The following LIMCH1 variants were observed in gnomAD, a reference collection of about 807,000 sequenced individuals.
LIMCH1 encodes LIM and calponin homology domains-containing protein 1.
In LIMCH1, 113 loss-of-function variants were observed where a neutral mutation model predicts 176.5. The observed-to-expected ratio is 0.64, with a 90% CI of 0.55 to 0.75. The LOEUF (loss-of-function observed/expected upper bound fraction) is 0.75. Among genes scored for constraint, LIMCH1 ranks in the 30% least tolerant of loss-of-function variants. LIMCH1 has a pLI of 0.00. For missense variants in LIMCH1, 1,674 were observed against 1,814.9 expected, an observed-to-expected ratio of 0.92 and a Z score of 1.41; for synonymous variants, 619 against 645.9, an observed-to-expected ratio of 0.96 and a Z score of 0.63.
At chr4:41,368,684 T>C (rs906498480) in intron 1 of LIMCH1, among the ~76,000 whole-genome samples, 2 of 152,142 alleles carry the variant, frequency 1.3e-5, no homozygotes, top group Admixed American at 6.5e-5. Flanking sequence ...CTCTTAAATT[T>C]CTCTAGGTCT....
chr4:41,408,642 A>G (rs1345281870), intron 1 of LIMCH1, among the ~76,000 whole-genome samples: 1 of 152,234 alleles, frequency 6.6e-6, no homozygotes, highest in Non-Finnish European at 1.5e-5. Flanking sequence ...GGGAGGTGAC[A>G]AGAAATAGGA....
chr4:41,654,159 T>A (rs550754622), intron 18 of LIMCH1, among the ~76,000 whole-genome samples: 1 of 152,340 alleles, frequency 6.6e-6, no homozygotes, highest in South Asian at 2.1e-4. Context: ...TGGTTCACCT[T>A]ACCATTTTTC....
intron 1 of LIMCH1, among the ~76,000 whole-genome samples, chr4:41,463,993 C>T (rs139333040): frequency 5.9e-5 from 9 of 152,204 alleles, no homozygotes; most frequent in Non-Finnish European, 7.4e-5. Context: ...GCTGGGATTA[C>T]GGCCATCCCC....
chr4:41,386,669 T>C (rs1032964206), intron 1 of LIMCH1, among the ~76,000 whole-genome samples: 2 of 152,226 alleles, frequency 1.3e-5, no homozygotes, highest in Non-Finnish European at 2.9e-5. Flanking sequence ...AGGGGATATA[T>C]TGAAACCCAA....
At chr4:41,567,361 G>T (rs182980009) in intron 1 of LIMCH1, among the ~76,000 whole-genome samples, 1 of 152,292 alleles carries the variant, frequency 6.6e-6, no homozygotes, top group Admixed American at 6.5e-5. Flanking sequence ...GAGATATTCA[G>T]TAAGTGTTTT....
At chr4:41,444,218 A>G (rs11737668) in intron 1 of LIMCH1, among the ~76,000 whole-genome samples, 67,723 of 151,472 alleles carry the variant, frequency 0.45, 19,353 homozygotes, top group African/African-American at 0.82. Context: ...TTCTGTTTTT[A>G]CTACTCCTAA....
chr4:41,544,479 C>G (rs2079098746), intron 1 of LIMCH1, among the ~76,000 whole-genome samples: 1 of 152,112 alleles, frequency 6.6e-6, no homozygotes, highest in African/African-American at 2.4e-5. Context: ...TCTGGGAGGC[C>G]TCTAATGTGT....
At chr4:41,395,382 A>G in intron 1 of LIMCH1, among the ~76,000 whole-genome samples, 1 of 98,610 alleles carries the variant, frequency 1.0e-5, no homozygotes, top group Non-Finnish European at 2.1e-5. Flanking sequence ...ACAGGTGCCC[A>G]CCCCTCCCAC....
At chr4:41,543,427 G>T (rs1190608067) in intron 1 of LIMCH1, among the ~76,000 whole-genome samples, 9 of 152,022 alleles carry the variant, frequency 5.9e-5, no homozygotes, top group Non-Finnish European at 1.0e-4. Flanking sequence ...AAGAAAATTG[G>T]ATTTTTCATG....
chr4:41,474,055 G>A (rs1158694974), intron 1 of LIMCH1, among the ~76,000 whole-genome samples: 1 of 151,858 alleles, frequency 6.6e-6, no homozygotes, highest in Non-Finnish European at 1.5e-5. Flanking sequence ...GTGCGCCCCT[G>A]TAATCCCAGC....
intron 2 of LIMCH1, among the ~76,000 whole-genome samples, chr4:41,511,014 C>T (rs1040640990): frequency 6.6e-5 from 10 of 152,122 alleles, no homozygotes; most frequent in Non-Finnish European, 1.2e-4. Context: ...TAGTGCTTGC[C>T]CTTCCTTAAG....
chr4:41,612,879 C>G, intron 4 of LIMCH1: 1 of 1,330,086 alleles, frequency 7.5e-7, no homozygotes, highest in South Asian at 1.9e-5. Flanking sequence ...TTAACTTTTG[C>G]CTCAGAAAGA....
chr4:41,415,240 G>C (rs1196118236), intron 1 of LIMCH1, among the ~76,000 whole-genome samples: 1 of 152,122 alleles, frequency 6.6e-6, no homozygotes, highest in Non-Finnish European at 1.5e-5. Flanking sequence ...TGTTGATATT[G>C]TAGAACATAT....
chr4:41,550,393 C>T (rs1364793370), intron 1 of LIMCH1, among the ~76,000 whole-genome samples: 1 of 151,870 alleles, frequency 6.6e-6, no homozygotes, highest in African/African-American at 2.4e-5. Flanking sequence ...AAAAATGAGC[C>T]TTCTACTTTC....
chr4:41,653,749 G>A (rs2094382119), intron 18 of LIMCH1, among the ~76,000 whole-genome samples: 1 of 152,354 alleles, frequency 6.6e-6, no homozygotes, highest in South Asian at 2.1e-4. Flanking sequence ...ATCTGGGCCC[G>A]GGACGGGCAC....
At chr4:41,367,098 G>A (rs2053127929) in intron 1 of LIMCH1, among the ~76,000 whole-genome samples, 1 of 152,092 alleles carries the variant, frequency 6.6e-6, no homozygotes, top group Non-Finnish European at 1.5e-5. Context: ...GAACAGCATG[G>A]GGTAACCGCC....
chr4:41,473,271 G>A (rs2067251037), intron 1 of LIMCH1: 3 of 793,670 alleles, frequency 3.8e-6, no homozygotes, highest in Non-Finnish European at 4.6e-6. Flanking sequence ...GTCATTTTGT[G>A]CAATGGTACA....
chr4:41,602,663 C>T lies in LIMCH1; in HGVS notation c.-133-1212C>T, dbSNP rs183640177. On this transcript the variant is annotated intron_variant, in intron 2 of 31. Transcript: ENST00000503057. ...TTTCTACTAAAAATACAAAAATTAGCTGGTCATGGTGGCACGTGCCTGTAG... is the reference window on the plus strand; with the variant it reads ...TTTCTACTAAAAATACAAAAATTAGTTGGTCATGGTGGCACGTGCCTGTAG... 3.2e-3 allele frequency among the ~76,000 whole-genome samples: 487 copies of T among 151,962 alleles called. 2 individuals carry two copies. The highest frequency in any genetic ancestry group is 0.01 in the Middle Eastern group (3 of 292).
chr4:41,463,308 G>A (rs1359694994), intron 1 of LIMCH1, among the ~76,000 whole-genome samples: 2 of 152,070 alleles, frequency 1.3e-5, no homozygotes, highest in Non-Finnish European at 2.9e-5. Flanking sequence ...CCCACTTTAT[G>A]TAGCAGCCAT....
Sources: gnomAD v4.1 joint callset for allele counts (sites outside exome capture counted in the v4.1 genomes callset) on GRCh38, gnomAD v4.1.1 for gene constraint, MANE v1.5 for transcripts, NCBI Gene and HGNC (gene_info 2026-07-23, HGNC 2026-07-21) for gene names.